BTF3: variants seen among roughly 807,000 people sequenced by gnomAD.
BTF3 encodes the protein transcription factor BTF3.
BTF3 carries 12 observed loss-of-function variants against 23.9 expected under a neutral mutation model. That is an observed-to-expected ratio of 0.50 (90% CI 0.32 to 0.81). BTF3 has a LOEUF of 0.81. Among genes scored for constraint, BTF3 ranks in the 40% least tolerant of loss-of-function variants. The probability of loss-of-function intolerance (pLI) is 0.03; values close to 1 mark genes in which losing one functional copy is unlikely to be tolerated. For missense variants in BTF3, 215 were observed against 255.9 expected, an observed-to-expected ratio of 0.84 and a Z score of 1.09; for synonymous variants, 96 against 94.8, an observed-to-expected ratio of 1.01 and a Z score of -0.07.
chr5:73,498,571 T>G lies in BTF3; in HGVS notation c.-97T>G, dbSNP rs1746336836. 7.1e-7 allele frequency: 1 copy of G among 1,401,802 alleles called. No homozygotes were observed. The highest frequency in any genetic ancestry group is 9.2e-7 in the Non-Finnish European group (1 of 1,086,226). The allele number at this position is 1,401,802 out of a possible 1,614,324, so 86.8% of individuals were successfully genotyped here. ...TCGCTCCGACAAGGTACAAAAAGGC[T>G]CTGGACGGCGGCGTGGTAGGAGGAC... On this transcript the variant is annotated 5_prime_UTR_variant, in exon 1 of 6. Coordinates refer to ENST00000380591, the MANE Select transcript of BTF3 (RefSeq NM_001037637.2).
At chr5:73,499,279 T>G in intron 2 of BTF3, 77 bp downstream of exon 2, 9 of 1,440,204 alleles carry the variant, frequency 6.2e-6, no homozygotes, top group Non-Finnish European at 6.8e-6. Context: ...CCTTTTGCGC[T>G]TCTTATATTA....
At chr5:73,498,972 C>A (rs1364037971) in intron 1 of BTF3, among the ~76,000 whole-genome samples, 162 bp from the exon 2 acceptor site, 1 of 152,062 alleles carries the variant, frequency 6.6e-6, no homozygotes, top group Admixed American at 6.5e-5. Context: ...GCTCTTTGGG[C>A]TCCCTGGAAA....
chr5:73,499,103 T>C (rs1430488917), intron 1 of BTF3, 31 bp from the exon 2 acceptor site: 3 of 1,597,118 alleles, frequency 1.9e-6, no homozygotes, highest in Non-Finnish European at 2.6e-6. Flanking sequence ...GAGCTAAACC[T>C]ATCCTTGCTG....
rs1291611193 is a variant in BTF3, at chr5:73,498,812, T to C, written c.132+13T>C. The C allele has an allele frequency of 6.6e-7, 1 of 1,505,306 alleles. No homozygotes were observed. The highest frequency in any genetic ancestry group is 2.6e-5 in the East Asian group (1 of 38,584). 93.2% of individuals were successfully genotyped at this position (1,505,306 alleles called of 1,614,324 possible). A position where few individuals can be genotyped will look rare whatever the true frequency, so the allele number is the denominator to read the frequency against. On this transcript the variant is annotated intron_variant, in intron 1 of 5. Coordinates refer to ENST00000380591, the MANE Select transcript of BTF3 (RefSeq NM_001037637.2). ...ACAGGAGCCTCAGGTACCGCGAGGC[T>C]TGCGGAGAGTGGCCGGGCCGGGCAG...
At chr5:73,499,838 AT>A (rs1164335933) in intron 2 of BTF3, among the ~76,000 whole-genome samples, 1 of 152,060 alleles carries the variant, frequency 6.6e-6, no homozygotes, top group Non-Finnish European at 1.5e-5. Context: ...CATCAAGGGG[AT>A]TCTTTTTTGA....
chr5:73,503,259 C>T, intron 4 of BTF3, 142 bp downstream of exon 4: 1 of 854,390 alleles, frequency 1.2e-6, no homozygotes, highest in Non-Finnish European at 1.8e-6. Flanking sequence ...TGATTTTAAG[C>T]AACTGTCCTT....
chr5:73,499,432 C>T, intron 2 of BTF3: 1 of 624,878 alleles, frequency 1.6e-6, no homozygotes, highest in Non-Finnish European at 2.8e-6. Flanking sequence ...TTCAGTGTTA[C>T]AGAGTGTAAG....
chr5:73,498,917 C>A, intron 1 of BTF3, 118 bp downstream of exon 1: 1 of 1,409,968 alleles, frequency 7.1e-7, no homozygotes, highest in Non-Finnish European at 9.3e-7. Flanking sequence ...TTCATCCGGG[C>A]CTGCCAAGAG....
Position 73,502,586 on chromosome 5 carries a change from C to T in BTF3, c.300C>T (p.Ile100=). 6.3e-7 allele frequency: 1 copy of T among 1,597,430 alleles called. No homozygotes were observed. Among genetic ancestry groups the T allele is most frequent in the Non-Finnish European group, 8.5e-7 (1 of 1,175,362 alleles). The change falls in exon 3 of 6, where the codon ATC becomes ATT. Residue 100 remains isoleucine (I), a synonymous_variant. Coordinates refer to ENST00000380591, the MANE Select transcript of BTF3 (RefSeq NM_001037637.2). ...FSLKKLGVNN[I]SGIEEVNMFT... ...TAAAGAAGTTAGGGGTAAACAATAT[C>T]TCTGGTATTGAAGAGGCAAGTATCA...
In BTF3 at chr5:73,498,730, C is replaced by G. The variant is rs1434776911; in HGVS notation, c.63C>G (p.Gly21=). The change falls in exon 1 of 6, where the codon GGC becomes GGG. Residue 21 remains glycine, a synonymous_variant. Transcript: ENST00000380591. ...DSRGRGRARG[G]CPGGEATLSQ... is the part of the protein sequence containing the mutation. ...GGGGGCGAGGTCGAGCCAGGGGCGG[C>G]TGCCCTGGGGGCGAGGCGACGCTGT... 6.7e-7 allele frequency: 1 copy of G among 1,489,534 alleles called. No individual in the cohort carries two copies. Among genetic ancestry groups the G allele is most frequent in the Non-Finnish European group, 8.8e-7 (1 of 1,130,296 alleles). 92.3% of individuals were successfully genotyped at this position (1,489,534 alleles called of 1,614,324 possible).
intron 2 of BTF3, among the ~76,000 whole-genome samples, chr5:73,501,416 T>C (rs1746433266): frequency 6.6e-6 from 1 of 152,198 alleles, no homozygotes; most frequent in South Asian, 2.1e-4. Context: ...ATAAAATGTA[T>C]TTATCTCTTA....
At chr5:73,504,959 G>A (rs987714673) in intron 5 of BTF3, 37 of 418,314 alleles carry the variant, frequency 8.8e-5, no homozygotes, top group African/African-American at 7.1e-4. Context: ...TTTTAACATT[G>A]TGTGTCATTG....
rs1478598585 is a variant in BTF3 at position 73,498,671 on chromosome 5, C to A, written c.4C>A (p.Arg2=). The change falls in exon 1 of 6, where the codon CGA becomes AGA. Residue 2 remains arginine (R), a synonymous_variant. Transcript: ENST00000380591. ...GGCAGAGGAGGAGAGGAAGGCGATG[C>A]GACGGACAGGCGCACCCGCTCAGGC... M[R]RTGAPAQADS... 6.7e-7 allele frequency: 1 copy of A among 1,498,416 alleles called. No homozygotes were observed. Among genetic ancestry groups the A allele is most frequent in the Non-Finnish European group, 8.8e-7 (1 of 1,132,870 alleles). The allele number at this position is 1,498,416 out of a possible 1,614,324, so 92.8% of individuals were successfully genotyped here. A position where few individuals can be genotyped will look rare whatever the true frequency, so the allele number is the denominator to read the frequency against.
intron 2 of BTF3, among the ~76,000 whole-genome samples, chr5:73,500,350 A>T (rs1333189829): frequency 6.6e-6 from 1 of 152,042 alleles, no homozygotes; most frequent in Non-Finnish European, 1.5e-5. Flanking sequence ...AACCACTCTT[A>T]CTTTCAGTAC....
chr5:73,505,526 C>T lies in BTF3; in HGVS notation c.*288C>T, dbSNP rs1053204638. 16 of 269,300 alleles carry T rather than the reference C, an allele frequency of 5.9e-5. No individual in the cohort carries two copies. Among genetic ancestry groups the T allele is most frequent in the East Asian group, 9.2e-5 (1 of 10,816 alleles). 16.7% of individuals were successfully genotyped at this position (269,300 alleles called of 1,614,324 possible). A position where few individuals can be genotyped will look rare whatever the true frequency, so the allele number is the denominator to read the frequency against. On this transcript the variant is annotated 3_prime_UTR_variant, in exon 6 of 6. Coordinates refer to ENST00000380591, the MANE Select transcript of BTF3 (RefSeq NM_001037637.2). Reference sequence around the variant, plus strand: ...TTTTATTTTTTTATTTCATTGACACCGATCTGTACACAGTAAAAAAAATTG... The same window carrying T: ...TTTTATTTTTTTATTTCATTGACACTGATCTGTACACAGTAAAAAAAATTG...
chr5:73,499,271 T>G (rs764470553), intron 2 of BTF3, 69 bp downstream of exon 2: 3 of 1,511,808 alleles, frequency 2.0e-6, no homozygotes, highest in Non-Finnish European at 2.7e-6. Flanking sequence ...AACATATTCC[T>G]TTTGCGCTTC....
Position 73,505,540 on chromosome 5 carries a change from TA to T in BTF3, c.*310del. ...TTCATTGACACCGATCTGTACACAG[TA>T]AAAAAAATTGCTTATAGAAAGCTAA... On this transcript the variant is annotated 3_prime_UTR_variant, in exon 6 of 6. Coordinates refer to ENST00000380591, the MANE Select transcript of BTF3 (RefSeq NM_001037637.2). 9 of 188,258 alleles carry T rather than the reference TA, an allele frequency of 4.8e-5. No individual in the cohort carries two copies. Among genetic ancestry groups the T allele is most frequent in the East Asian group, 1.3e-4 (1 of 7,562 alleles). The allele number at this position is 188,258 out of a possible 1,614,324, so 11.7% of individuals were successfully genotyped here.
At chr5:73,501,433 T>C (rs1025896183) in intron 2 of BTF3, among the ~76,000 whole-genome samples, 1 of 152,190 alleles carries the variant, frequency 6.6e-6, no homozygotes, top group African/African-American at 2.4e-5. Flanking sequence ...CTTATAGTAA[T>C]AAGTGTTATG....
rs1158768416 is a variant in BTF3, at chr5:73,502,179, AC to A, written c.202-308del. Among the ~76,000 whole-genome samples the A allele has an allele frequency of 6.9e-4, 102 of 148,306 alleles. 1 individual carries two copies. The highest frequency in any genetic ancestry group is 2.5e-3 in the African/African-American group (97 of 39,380). ...GTCTCAAAAAAAAAAAAAAAAAAAA[AC>A]AGAAGAGGTTAATAATTCTGGATGT... On this transcript the variant is annotated intron_variant, in intron 2 of 5. Coordinates refer to ENST00000380591, the MANE Select transcript of BTF3 (RefSeq NM_001037637.2).
Sources: allele counts gnomAD v4.1 joint callset (sites outside exome capture counted in the v4.1 genomes callset), GRCh38; gene constraint gnomAD v4.1.1; transcripts MANE v1.5; gene names NCBI Gene and HGNC (gene_info 2026-07-23, HGNC 2026-07-21).